ZFHX3: variants seen among roughly 807,000 people sequenced by gnomAD.
ZFHX3 encodes the protein zinc finger homeobox 3.
A neutral mutation model predicts 279.1 loss-of-function variants in ZFHX3; 42 were observed. The observed-to-expected ratio is 0.15, with a 90% CI of 0.12 to 0.19. ZFHX3 has a LOEUF of 0.19. Among genes scored for constraint, ZFHX3 ranks in the 10% least tolerant of loss-of-function variants. ZFHX3 has a pLI of 1.00. For missense variants in ZFHX3, 4,981 were observed against 4,754.0 expected (o/e 1.05, Z -1.40); for synonymous variants, 2,293 against 1,957.8 (o/e 1.17, Z -4.52).
chr16:73,082,612 T>C (rs996219462), intron 8 of ZFHX3, among the ~76,000 whole-genome samples: 3 of 151,668 alleles, frequency 2.0e-5, no homozygotes, highest in African/African-American at 7.3e-5. Context: ...CTTACTTTCT[T>C]TTTTTTTGTA....
At chr16:73,869,868 T>G (rs755545430) in intron 1 of ZFHX3, among the ~76,000 whole-genome samples, 2 of 152,182 alleles carry the variant, frequency 1.3e-5, no homozygotes, top group Admixed American at 6.5e-5. Flanking sequence ...CAGACAGAGA[T>G]TAAGTCTCTT....
intron 5 of ZFHX3, among the ~76,000 whole-genome samples, chr16:73,157,377 A>G (rs953282467): frequency 6.8e-6 from 1 of 147,508 alleles, no homozygotes; most frequent in Non-Finnish European, 1.5e-5. Flanking sequence ...CTGTGGCCCA[A>G]TCAGACATCG....
chr16:73,215,590 G>C (rs2012175217), intron 5 of ZFHX3, among the ~76,000 whole-genome samples: 1 of 152,114 alleles, frequency 6.6e-6, no homozygotes. Context: ...TCTCTGTGTT[G>C]CTCAATGGAT....
chr16:73,092,163 G>A (rs1373797533), intron 8 of ZFHX3, among the ~76,000 whole-genome samples: 2 of 152,188 alleles, frequency 1.3e-5, no homozygotes, highest in Non-Finnish European at 2.9e-5. Flanking sequence ...CAGCTAGTGC[G>A]TAGTTGAACC....
At chr16:72,911,820 C>A (rs2039324936) in intron 3 of ZFHX3, among the ~76,000 whole-genome samples, 1 of 152,284 alleles carries the variant, frequency 6.6e-6, no homozygotes, top group African/African-American at 2.4e-5. Flanking sequence ...GTGCTGAATT[C>A]TAGACCAACA....
intron 3 of ZFHX3, among the ~76,000 whole-genome samples, chr16:72,893,540 C>G (rs974890672): frequency 2.0e-5 from 3 of 146,848 alleles, no homozygotes; most frequent in Admixed American, 6.7e-5. Context: ...GGTACTCACA[C>G]TTTAAAAAAT....
At chr16:73,075,783 G>T (rs1371018098) in intron 8 of ZFHX3, among the ~76,000 whole-genome samples, 2 of 152,010 alleles carry the variant, frequency 1.3e-5, no homozygotes, top group Non-Finnish European at 1.5e-5. Context: ...ACAGGTGCAT[G>T]CCACTATGCC....
intron 5 of ZFHX3, among the ~76,000 whole-genome samples, chr16:72,828,418 A>G (rs2036984527): frequency 6.6e-6 from 1 of 152,170 alleles, no homozygotes. Flanking sequence ...CTCAACATAG[A>G]AAGCTTATCA....
chr16:73,139,862 C>A (rs1305011973), intron 6 of ZFHX3, among the ~76,000 whole-genome samples: 1 of 152,204 alleles, frequency 6.6e-6, no homozygotes, highest in African/African-American at 2.4e-5. Flanking sequence ...GGACCTGAGA[C>A]ATCAGTGGCT....
intron 3 of ZFHX3, among the ~76,000 whole-genome samples, chr16:73,345,278 A>T (rs2016102511): frequency 1.3e-5 from 2 of 152,236 alleles, no homozygotes; most frequent in South Asian, 4.2e-4. Flanking sequence ...CAGGATGTGC[A>T]GGTTTGTTAC....
intron 1 of ZFHX3, among the ~76,000 whole-genome samples, chr16:73,694,406 C>A (rs541610825): frequency 6.6e-6 from 1 of 151,986 alleles, no homozygotes; most frequent in East Asian, 1.9e-4. Context: ...TTCAGTGGTG[C>A]GATATCGGCT....
At chr16:73,516,643 A>T (rs997488225) in intron 2 of ZFHX3, among the ~76,000 whole-genome samples, 1 of 152,138 alleles carries the variant, frequency 6.6e-6, no homozygotes, top group Non-Finnish European at 1.5e-5. Context: ...AATATACCCC[A>T]AACCAAAATC....
chr16:73,167,301 C>A (rs1267268364), intron 5 of ZFHX3, among the ~76,000 whole-genome samples: 3 of 151,562 alleles, frequency 2.0e-5, no homozygotes, highest in Non-Finnish European at 2.9e-5. Flanking sequence ...GAGAAACTTC[C>A]ATTCTGGACC....
chr16:73,098,821 G>C (rs1966197739), intron 7 of ZFHX3: 1 of 152,202 alleles, frequency 6.6e-6, no homozygotes, highest in African/African-American at 2.4e-5. Flanking sequence ...CGCTTCAAAG[G>C]ACTTCTTGCA....
chr16:73,299,604 C>A (rs1340936278), intron 4 of ZFHX3, among the ~76,000 whole-genome samples: 2 of 152,154 alleles, frequency 1.3e-5, no homozygotes, highest in African/African-American at 4.8e-5. Flanking sequence ...GAGGAAGAGG[C>A]AAGAGCCCAT....
chr16:73,062,267 A>C (rs1280141828), upstream of ZFHX3: 6 of 152,196 alleles, frequency 3.9e-5, no homozygotes, highest in Admixed American at 3.9e-4. Flanking sequence ...TAGATATAAA[A>C]ACACAAAAAT....
At chr16:73,650,519 C>T (rs998644780) in intron 2 of ZFHX3, among the ~76,000 whole-genome samples, 1 of 152,254 alleles carries the variant, frequency 6.6e-6, no homozygotes, top group African/African-American at 2.4e-5. Context: ...CATCAAAAAG[C>T]TATCCTCACT....
intron 4 of ZFHX3, among the ~76,000 whole-genome samples, chr16:72,887,510 A>T (rs1411980941): frequency 1.3e-5 from 2 of 151,818 alleles, no homozygotes; most frequent in Non-Finnish European, 2.9e-5. Flanking sequence ...GGAAGGACTG[A>T]GTGTGGAGGG....
chr16:73,554,903 T>A (rs1023805908), intron 2 of ZFHX3: 1 of 152,178 alleles, frequency 6.6e-6, no homozygotes, highest in Non-Finnish European at 1.5e-5. Context: ...TTCCTCAGTG[T>A]CTCTGTACCT....
Sources: gnomAD v4.1 joint callset for allele counts (sites outside exome capture counted in the v4.1 genomes callset) on GRCh38, gnomAD v4.1.1 for gene constraint, MANE v1.5 for transcripts, NCBI Gene and HGNC (gene_info 2026-07-23, HGNC 2026-07-21) for gene names.